SPRR2B: variants seen among roughly 807,000 people sequenced by gnomAD.
The protein encoded by SPRR2B is small proline rich protein 2B, also known as small proline-rich protein 2B.
SPRR2B carries 1 observed loss-of-function variant against 1.0 expected under a neutral mutation model. The observed-to-expected ratio is 1.01, with a 90% CI of 0.36 to 4.77. SPRR2B has a LOEUF of 4.77. Among genes scored for constraint, SPRR2B ranks in the 30% most tolerant of loss-of-function variants. The probability of loss-of-function intolerance (pLI) is 0.16; values close to 1 mark genes in which losing one functional copy is unlikely to be tolerated. For synonymous variants in SPRR2B, 27 were observed against 33.4 expected (o/e 0.81, Z 0.66); for missense variants, 53 against 88.7 (o/e 0.60, Z 1.62).
At chr1:153,084,892 T>C in the SPRR2B span, among the ~76,000 whole-genome samples, 32 of 152,286 alleles carry the variant, frequency 2.1e-4, no homozygotes, top group Admixed American at 3.9e-4. Context: ...CTCAGAGTTA[T>C]GGCATGCAGT....
chr1:153,081,285 A>C, the SPRR2B span, among the ~76,000 whole-genome samples: 34 of 152,332 alleles, frequency 2.2e-4, no homozygotes, highest in Admixed American at 6.5e-5. Flanking sequence ...CAAAAGAGAG[A>C]ATCTTGAAAG....
upstream of SPRR2B, among the ~76,000 whole-genome samples, chr1:153,073,695 TCACACA>T (rs4041380): frequency 1.3e-4 from 19 of 144,592 alleles, no homozygotes; most frequent in African/African-American, 3.4e-4. Flanking sequence ...GAGGCATACT[TCACACA>T]CACACACACA....
At chr1:153,081,182 G>A in the SPRR2B span, among the ~76,000 whole-genome samples, 3 of 152,162 alleles carry the variant, frequency 2.0e-5, no homozygotes, top group Non-Finnish European at 4.4e-5. Context: ...CTCGAAAGCA[G>A]CAAGAGGGAA....
At chr1:153,074,317 T>C (rs1399089446), upstream of SPRR2B, among the ~76,000 whole-genome samples, 1 of 152,146 alleles carries the variant, frequency 6.6e-6, no homozygotes, top group African/African-American at 2.4e-5. Flanking sequence ...TACATTCCAC[T>C]AAACAAAATA....
At chr1:153,078,449 G>T in the SPRR2B span, among the ~76,000 whole-genome samples, 1 of 152,096 alleles carries the variant, frequency 6.6e-6, no homozygotes, top group South Asian at 2.1e-4. Flanking sequence ...TGCCATGTTG[G>T]TGTGCTGAAC....
chr1:153,071,860 T>C (rs546668982), upstream of SPRR2B, among the ~76,000 whole-genome samples: 16 of 152,306 alleles, frequency 1.1e-4, no homozygotes, highest in African/African-American at 2.9e-4. Flanking sequence ...TCTTTCTTGA[T>C]TGGGGGCAAT....
chr1:153,084,124 A>G, the SPRR2B span, among the ~76,000 whole-genome samples: 1 of 152,068 alleles, frequency 6.6e-6, no homozygotes, highest in Middle Eastern at 3.4e-3. Flanking sequence ...CAAATGGAGA[A>G]CTCCAGCGAG....
chr1:153,079,252 A>G, the SPRR2B span, among the ~76,000 whole-genome samples: 6 of 151,680 alleles, frequency 4.0e-5, no homozygotes, highest in South Asian at 4.2e-4. Flanking sequence ...TTCAGTGTGG[A>G]TTCTGGATAT....
At position 153,070,704 on chromosome 1, in the gene SPRR2B, G is replaced by A. The variant is rs755589145; in HGVS notation, c.136C>T (p.Pro46Ser). 3 of 1,610,878 alleles carry A rather than the reference G, an allele frequency of 1.9e-6. No homozygotes were observed. Among genetic ancestry groups the A allele is most frequent in the Non-Finnish European group, 1.7e-6 (2 of 1,179,380 alleles). Residue 46 changes from proline (P) to serine (S), a missense_variant, in exon 2 of 2, where the codon CCA (proline) becomes TCA (serine). Coordinates refer to ENST00000368755, the MANE Select transcript of SPRR2B (RefSeq NM_001388198.1). ...CPPPKCPQPC[P>S]PQQCQQKYPP... ...TATTTCTGCTGGCACTGCTGAGGTGGGCAGGGCTGTGGACACTTTGGTGGT... is the reference window on the plus strand; with the variant it reads ...TATTTCTGCTGGCACTGCTGAGGTGAGCAGGGCTGTGGACACTTTGGTGGT...
chr1:153,073,791 T>C (rs1204010760), upstream of SPRR2B, among the ~76,000 whole-genome samples: 1 of 152,094 alleles, frequency 6.6e-6, no homozygotes, highest in African/African-American at 2.4e-5. Context: ...TTTATCTTCT[T>C]TAAGAGTCTG....
upstream of SPRR2B, among the ~76,000 whole-genome samples, chr1:153,075,420 T>TA (rs561026493): frequency 3.4e-5 from 5 of 147,460 alleles, no homozygotes; most frequent in East Asian, 2.0e-4. Context: ...CATACTAGAG[T>TA]AAAAAAAATC....
the SPRR2B span, among the ~76,000 whole-genome samples, chr1:153,083,514 A>G: frequency 3.3e-5 from 5 of 152,140 alleles, no homozygotes; most frequent in South Asian, 2.1e-4. Flanking sequence ...GCCACTAAGG[A>G]ACCGAGATTA....
chr1:153,078,418 T>A, the SPRR2B span, among the ~76,000 whole-genome samples: 1 of 152,218 alleles, frequency 6.6e-6, no homozygotes, highest in Non-Finnish European at 1.5e-5. Context: ...AACGTGCAGG[T>A]TAGTTACATA....
the SPRR2B span, among the ~76,000 whole-genome samples, chr1:153,083,538 A>G: frequency 6.6e-6 from 1 of 152,148 alleles, no homozygotes; most frequent in Non-Finnish European, 1.5e-5. Flanking sequence ...GTGCACTTCT[A>G]ACAGATATTC....
upstream of SPRR2B, among the ~76,000 whole-genome samples, chr1:153,072,798 C>T (rs1406829592): frequency 2.9e-4 from 44 of 152,136 alleles, no homozygotes; most frequent in Non-Finnish European, 2.9e-5. Flanking sequence ...ATTGTTCACT[C>T]GATACGTATG....
the SPRR2B span, among the ~76,000 whole-genome samples, chr1:153,087,346 A>G: frequency 6.6e-6 from 1 of 152,128 alleles, no homozygotes; most frequent in African/African-American, 2.4e-5. Flanking sequence ...AAAGAATTAG[A>G]GAACCAAGAG....
the SPRR2B span, among the ~76,000 whole-genome samples, chr1:153,086,540 G>A: frequency 6.6e-6 from 1 of 152,168 alleles, no homozygotes; most frequent in Non-Finnish European, 1.5e-5. Flanking sequence ...CAAGTTCTTA[G>A]GGACCTTCAA....
At chr1:153,079,081 T>A in the SPRR2B span, among the ~76,000 whole-genome samples, 7 of 152,230 alleles carry the variant, frequency 4.6e-5, no homozygotes, top group South Asian at 2.1e-4. Context: ...GGTATCTCAT[T>A]GTGGTTTTGA....
At chr1:153,083,612 C>G in the SPRR2B span, among the ~76,000 whole-genome samples, 2 of 152,170 alleles carry the variant, frequency 1.3e-5, no homozygotes, top group African/African-American at 2.4e-5. Flanking sequence ...AGAGAGAAAG[C>G]TGGGAGCCCT....
Sources: gnomAD v4.1 joint callset for allele counts (sites outside exome capture counted in the v4.1 genomes callset) on GRCh38, gnomAD v4.1.1 for gene constraint, MANE v1.5 for transcripts, NCBI Gene and HGNC (gene_info 2026-07-23, HGNC 2026-07-21) for gene names.